Variants in TIAM1 observed in about 807,000 individuals in gnomAD.
TIAM1 encodes rho guanine nucleotide exchange factor TIAM1.
TIAM1 carries 65 observed loss-of-function variants against 163.5 expected under a neutral mutation model. The observed-to-expected ratio is 0.40, with a 90% CI of 0.33 to 0.49. The LOEUF (loss-of-function observed/expected upper bound fraction) is 0.49. Ranked by LOEUF, TIAM1 falls within the 20% of genes least tolerant of loss-of-function variation. TIAM1 has a pLI of 0.77. For missense variants in TIAM1, 1,789 were observed against 2,044.7 expected (o/e 0.87, Z 2.41); for synonymous variants, 833 against 810.1 (o/e 1.03, Z -0.48).
chr21:31,175,073 G>A (rs2084697140), intron 15 of TIAM1, among the ~76,000 whole-genome samples: 1 of 152,188 alleles, frequency 6.6e-6, no homozygotes, highest in Non-Finnish European at 1.5e-5. Flanking sequence ...TGCCTGAGTA[G>A]CTGGGACTAC....
At chr21:31,529,066 C>A (rs1382919960) in intron 1 of TIAM1, among the ~76,000 whole-genome samples, 3 of 151,254 alleles carry the variant, frequency 2.0e-5, no homozygotes, top group Admixed American at 2.0e-4. Flanking sequence ...GGACTACAGG[C>A]GCCCACCATG....
chr21:31,501,513 T>G (rs1268890109), intron 1 of TIAM1, among the ~76,000 whole-genome samples: 1 of 152,212 alleles, frequency 6.6e-6, no homozygotes, highest in Non-Finnish European at 1.5e-5. Context: ...CTTTGGCCTT[T>G]CGTATCTACC....
Position 31,174,286 on chromosome 21 carries a change from C to T in TIAM1, c.2887+8135G>A, listed in dbSNP as rs2833324. ...TGCCCATGCAGACCAAGCGGCTGTC[C>T]GTGCTCAGCACTTGGCAATTCCTCT... On this transcript the variant is annotated intron_variant, in intron 15 of 27. Coordinates refer to ENST00000541036, the MANE Select transcript of TIAM1 (RefSeq NM_001353694.2). Among the ~76,000 whole-genome samples the T allele has an allele frequency of 0.016, 2,468 of 152,340 alleles. 184 individuals are homozygous for T. In the East Asian group the frequency reaches 0.24, roughly 15 times the overall value.
At position 31,210,596 on chromosome 21, in the gene TIAM1, G is replaced by GAA. The variant is rs1362662880; in HGVS notation, c.2218-382_2218-381insTT. Among the ~76,000 whole-genome samples the GAA allele has an allele frequency of 2.5e-3, 133 of 52,768 alleles. 5 individuals are homozygous for GAA. Among genetic ancestry groups the GAA allele is most frequent in the African/African-American group, 0.011 (113 of 10,542 alleles). The allele number at this position is 52,768 out of a possible 152,430, so 34.6% of individuals were successfully genotyped here. On this transcript the variant is annotated intron_variant, in intron 10 of 27. Coordinates refer to ENST00000541036, the MANE Select transcript of TIAM1 (RefSeq NM_001353694.2). Reference sequence around the variant, plus strand: ...AAAGAAAGAAAGAAAGAAAGAAAGAGAGAAAGAAGGAAGGAAGGGAGAAAG... The same window carrying GAA: ...AAAGAAAGAAAGAAAGAAAGAAAGAGAAAGAAAGAAGGAAGGAAGGGAGAAAG...
chr21:31,211,994 T>G (rs1025777321), intron 10 of TIAM1, among the ~76,000 whole-genome samples: 2 of 152,240 alleles, frequency 1.3e-5, no homozygotes, highest in African/African-American at 4.8e-5. Flanking sequence ...GTATGCAAGA[T>G]GAACTGGCCA....
At chr21:31,280,475 T>C (rs904112668) in intron 2 of TIAM1, among the ~76,000 whole-genome samples, 4 of 152,160 alleles carry the variant, frequency 2.6e-5, no homozygotes, top group Non-Finnish European at 5.9e-5. Flanking sequence ...ACCTCTTTCT[T>C]TTGTAAATTG....
chr21:31,223,648 A>G (rs2087761021), intron 7 of TIAM1, 57 bp from the exon 8 acceptor site: 2 of 1,533,412 alleles, frequency 1.3e-6, no homozygotes, highest in Non-Finnish European at 8.8e-7. Context: ...ACAAATGCTA[A>G]TATCTTTATC....
At chr21:31,528,596 A>G (rs1360379386) in intron 1 of TIAM1, among the ~76,000 whole-genome samples, 1 of 151,800 alleles carries the variant, frequency 6.6e-6, no homozygotes, top group Admixed American at 6.6e-5. Flanking sequence ...CATGGTCAGG[A>G]GTTTGAGACC....
chr21:31,331,453 C>T (rs1465932683), intron 2 of TIAM1, among the ~76,000 whole-genome samples: 4 of 152,180 alleles, frequency 2.6e-5, no homozygotes, highest in African/African-American at 7.2e-5. Flanking sequence ...AGAACCCAAA[C>T]GTGTCTTAAA....
At chr21:31,333,442 T>G (rs926775755) in intron 2 of TIAM1, among the ~76,000 whole-genome samples, 8 of 152,282 alleles carry the variant, frequency 5.3e-5, no homozygotes, top group South Asian at 4.1e-4. Context: ...AACTCTCTTT[T>G]TGTTTTTTCT....
At chr21:31,125,575 CTT>C (rs888975662) in intron 26 of TIAM1, among the ~76,000 whole-genome samples, 4 of 152,130 alleles carry the variant, frequency 2.6e-5, no homozygotes, top group Non-Finnish European at 4.4e-5. Context: ...CATTTATTTT[CTT>C]TTTCTTTCTT....
At chr21:31,244,067 A>T (rs1177390303) in intron 6 of TIAM1, among the ~76,000 whole-genome samples, 2 of 152,210 alleles carry the variant, frequency 1.3e-5, no homozygotes, top group Non-Finnish European at 2.9e-5. Context: ...TAATTACTTT[A>T]TGATAGCTCA....
chr21:31,415,821 G>A lies in TIAM1; in HGVS notation c.-369+48162C>T, dbSNP rs541873496. On this transcript the variant is annotated intron_variant, in intron 2 of 28. Transcript: ENST00000286827. ...TGGCCTCTCATTCATTTTTGGCCAT[G>A]ACCCAACAGAATGCCTTCCCCACAC... Among the ~76,000 whole-genome samples, 21 of 152,208 alleles carry A rather than the reference G, an allele frequency of 1.4e-4. No individual in the cohort carries two copies. The East Asian group carries it at 1.9e-3, about 14-fold the overall frequency.
Position 31,210,135 on chromosome 21 carries a change from T to C in TIAM1, c.2298A>G (p.Pro766=), listed in dbSNP as rs535666474. The change falls in exon 11 of 28, where the codon CCA becomes CCG. Residue 766 remains proline, a synonymous_variant. Coordinates refer to ENST00000541036, the MANE Select transcript of TIAM1 (RefSeq NM_001353694.2). ...CDIWVHEYFT[P]SWFCLPNNQP... is the part of the protein sequence containing the mutation. Reference sequence around the variant, plus strand: ...GATTATTGGGCAGACAGAACCAGGATGGAGTGAAATACTCGTGGACCCAAA... The same window carrying C: ...GATTATTGGGCAGACAGAACCAGGACGGAGTGAAATACTCGTGGACCCAAA... 5.1e-5 allele frequency: 83 copies of C among 1,614,062 alleles called. No individual in the cohort carries two copies. Among genetic ancestry groups the C allele is most frequent in the Non-Finnish European group, 6.8e-5 (80 of 1,180,042 alleles).
At chr21:31,456,255 G>T (rs1478806768) in intron 2 of TIAM1, among the ~76,000 whole-genome samples, 1 of 152,204 alleles carries the variant, frequency 6.6e-6, no homozygotes, top group African/African-American at 2.4e-5. Context: ...ATCATTTCTG[G>T]AAGGGTGCAG....
chr21:31,548,080 C>T (rs773178356), intron 1 of TIAM1, among the ~76,000 whole-genome samples: 1 of 147,910 alleles, frequency 6.8e-6, no homozygotes, highest in Non-Finnish European at 1.5e-5. Flanking sequence ...GTACAAGATT[C>T]TTTCCTAAGA....
chr21:31,329,757 C>T lies in TIAM1; in HGVS notation c.-189+9486G>A, dbSNP rs948901339. Reference sequence around the variant, plus strand: ...GCTGCCCAGTGACTGCTGCCCAAGCCGACAGGCTGCAAAGAACTTCAAGAA... The same window carrying T: ...GCTGCCCAGTGACTGCTGCCCAAGCTGACAGGCTGCAAAGAACTTCAAGAA... On this transcript the variant is annotated intron_variant, in intron 2 of 27. Coordinates refer to ENST00000541036, the MANE Select transcript of TIAM1 (RefSeq NM_001353694.2). 3.8e-4 allele frequency among the ~76,000 whole-genome samples: 58 copies of T among 152,232 alleles called. 1 individual carries two copies. Among genetic ancestry groups the T allele is most frequent in the African/African-American group, 1.0e-3 (42 of 41,538 alleles).
intron 25 of TIAM1, among the ~76,000 whole-genome samples, chr21:31,129,713 C>G (rs2082335772): frequency 6.6e-6 from 1 of 152,078 alleles, no homozygotes; most frequent in Non-Finnish European, 1.5e-5. Context: ...ATTTTAAAAG[C>G]CTTCACACTA....
intron 22 of TIAM1, among the ~76,000 whole-genome samples, chr21:31,137,279 A>C (rs367741473): frequency 6.6e-6 from 1 of 152,380 alleles, no homozygotes; most frequent in East Asian, 1.9e-4. Flanking sequence ...TACAGGATAC[A>C]GAGGTATTGT....
Sources: gnomAD v4.1 joint callset for allele counts (sites outside exome capture counted in the v4.1 genomes callset) on GRCh38, gnomAD v4.1.1 for gene constraint, MANE v1.5 for transcripts, NCBI Gene and HGNC (gene_info 2026-07-23, HGNC 2026-07-21) for gene names.